PHACTR1: variants seen among roughly 807,000 people sequenced by gnomAD.
PHACTR1 encodes phosphatase and actin regulator 1, also known as RPEL repeat containing 1.
In PHACTR1, 16 loss-of-function variants were observed where a neutral mutation model predicts 69.2. That is an observed-to-expected ratio of 0.23 (90% confidence interval 0.16 to 0.35). The LOEUF (loss-of-function observed/expected upper bound fraction) is 0.35. PHACTR1 is among the 10% of genes least tolerant of loss of function. The pLI, the probability that PHACTR1 is intolerant of heterozygous loss-of-function variation, is 1.00. For synonymous variants in PHACTR1, 312 were observed against 284.5 expected (o/e 1.10, Z -0.97); for missense variants, 510 against 734.7 (o/e 0.69, Z 3.54).
At chr6:12,859,783 G>T (rs1780757249) in intron 4 of PHACTR1, among the ~76,000 whole-genome samples, 1 of 152,110 alleles carries the variant, frequency 6.6e-6, no homozygotes, top group Admixed American at 6.5e-5. Flanking sequence ...AAACCAGTGT[G>T]TTCAACATCA....
intron 4 of PHACTR1, among the ~76,000 whole-genome samples, chr6:12,774,472 C>A (rs1391326098): frequency 6.6e-6 from 1 of 152,032 alleles, no homozygotes; most frequent in Admixed American, 6.6e-5. Flanking sequence ...GCTCACTGCA[C>A]CCCCCGCCTC....
intron 5 of PHACTR1, among the ~76,000 whole-genome samples, chr6:13,101,005 G>T (rs1317124577): frequency 6.6e-6 from 1 of 152,198 alleles, no homozygotes; most frequent in Non-Finnish European, 1.5e-5. Flanking sequence ...CAGAGATCCT[G>T]ATTTAGTAAA....
chr6:12,961,262 C>T (rs182036227), intron 4 of PHACTR1, among the ~76,000 whole-genome samples: 2 of 152,152 alleles, frequency 1.3e-5, no homozygotes, highest in East Asian at 1.9e-4. Context: ...AGTAATCCAA[C>T]AGAATACAGA....
At chr6:12,953,589 G>A (rs928390980) in intron 4 of PHACTR1, among the ~76,000 whole-genome samples, 2 of 152,202 alleles carry the variant, frequency 1.3e-5, no homozygotes, top group African/African-American at 4.8e-5. Flanking sequence ...AAAAACACTG[G>A]CTGAAAGAAT....
rs937642569 is a variant in PHACTR1 at position 12,948,120 on chromosome 6, C to T, written c.251-105245C>T. ...CAACAGACTTAGGAGCTGGATGGTT[C>T]TGCATCATTAGTCAAAACAGACTTC... is the stretch of plus-strand genomic sequence containing the variant. On this transcript the variant is annotated intron_variant, in intron 4 of 14. Transcript: ENST00000332995. Among the ~76,000 whole-genome samples, 4 of 152,192 alleles carry T rather than the reference C, an allele frequency of 2.6e-5. No individual in the cohort carries two copies. In the East Asian group the frequency reaches 7.7e-4, roughly 29 times the overall value.
At chr6:13,135,996 T>C (rs1236389558) in intron 5 of PHACTR1, among the ~76,000 whole-genome samples, 1 of 152,222 alleles carries the variant, frequency 6.6e-6, no homozygotes, top group Non-Finnish European at 1.5e-5. Context: ...TGTTTTAATG[T>C]ATACCCTTCC....
chr6:12,741,880 C>T (rs888999188), intron 3 of PHACTR1, among the ~76,000 whole-genome samples: 2 of 151,954 alleles, frequency 1.3e-5, no homozygotes, highest in African/African-American at 2.4e-5. Context: ...TCCATGAGCA[C>T]GATTATTGCA....
intron 5 of PHACTR1, among the ~76,000 whole-genome samples, chr6:13,141,056 A>G (rs572606808): frequency 3.3e-5 from 5 of 152,302 alleles, no homozygotes; most frequent in South Asian, 2.1e-4. Flanking sequence ...TAGTAACCCA[A>G]TGGTGAGGAC....
intron 4 of PHACTR1, among the ~76,000 whole-genome samples, chr6:12,985,074 C>A (rs550678579): frequency 2.6e-5 from 4 of 152,358 alleles, no homozygotes; most frequent in South Asian, 2.1e-4. Context: ...GATACAATTT[C>A]ATCCAACTGA....
chr6:13,176,063 C>T (rs1241475850), intron 6 of PHACTR1, among the ~76,000 whole-genome samples: 1 of 152,092 alleles, frequency 6.6e-6, no homozygotes, highest in Non-Finnish European at 1.5e-5. Flanking sequence ...GGTAGGCAAG[C>T]AGAAGCCCTG....
intron 10 of PHACTR1, among the ~76,000 whole-genome samples, chr6:13,236,594 A>G (rs1772026312): frequency 6.6e-6 from 1 of 152,054 alleles, no homozygotes; most frequent in Non-Finnish European, 1.5e-5. Context: ...TCGTCTCTGC[A>G]TGATGCTCTC....
intron 4 of PHACTR1, among the ~76,000 whole-genome samples, chr6:12,941,491 C>G (rs565503501): frequency 6.6e-6 from 1 of 152,088 alleles, no homozygotes; most frequent in Non-Finnish European, 1.5e-5. Flanking sequence ...GGTGGAGGGG[C>G]CTCATCACTC....
chr6:12,724,196 G>A (rs1209725338), intron 3 of PHACTR1, among the ~76,000 whole-genome samples: 2 of 151,978 alleles, frequency 1.3e-5, no homozygotes, highest in African/African-American at 4.8e-5. Context: ...GTGTGGTGGT[G>A]GGCACCTGTA....
intron 5 of PHACTR1, among the ~76,000 whole-genome samples, chr6:13,063,201 A>G (rs1022712144): frequency 2.0e-5 from 3 of 152,202 alleles, no homozygotes; most frequent in Non-Finnish European, 4.4e-5. Context: ...GAGGACGGAC[A>G]TGGCCCCTAC....
intron 4 of PHACTR1, among the ~76,000 whole-genome samples, chr6:12,764,968 G>C (rs908397553): frequency 3.3e-5 from 5 of 151,986 alleles, no homozygotes; most frequent in African/African-American, 1.2e-4. Flanking sequence ...TGACACTGTT[G>C]GGCAATTGTA....
intron 4 of PHACTR1, among the ~76,000 whole-genome samples, chr6:12,879,702 T>C (rs555124474): frequency 3.0e-4 from 46 of 152,334 alleles, no homozygotes; most frequent in African/African-American, 1.0e-3. Flanking sequence ...ACAAGAACTC[T>C]CTGAAACAGA....
intron 4 of PHACTR1, among the ~76,000 whole-genome samples, chr6:13,011,832 A>G (rs1261635551): frequency 6.6e-6 from 1 of 152,232 alleles, no homozygotes; most frequent in Non-Finnish European, 1.5e-5. Flanking sequence ...GGAATTACAA[A>G]AGAGAATAAC....
intron 10 of PHACTR1, among the ~76,000 whole-genome samples, chr6:13,263,987 C>T (rs567189211): frequency 2.8e-4 from 42 of 152,276 alleles, no homozygotes; most frequent in Non-Finnish European, 4.3e-4. Context: ...GGGTGTCCCC[C>T]GAAAATTTTG....
intron 4 of PHACTR1, among the ~76,000 whole-genome samples, chr6:12,891,887 C>G (rs1784202087): frequency 6.6e-6 from 1 of 152,188 alleles, no homozygotes; most frequent in African/African-American, 2.4e-5. Context: ...GCTCCAGTTT[C>G]CTTATCTGTA....
Sources: allele counts gnomAD v4.1 joint callset (sites outside exome capture counted in the v4.1 genomes callset), GRCh38; gene constraint gnomAD v4.1.1; transcripts MANE v1.5; gene names NCBI Gene and HGNC (gene_info 2026-07-23, HGNC 2026-07-21).